FILIP1L: variants seen among roughly 807,000 people sequenced by gnomAD.
FILIP1L encodes the protein filamin A interacting protein 1 like.
In FILIP1L, 55 loss-of-function variants were observed where a neutral mutation model predicts 96.6. The observed-to-expected ratio is 0.57, with a 90% CI of 0.46 to 0.71. The LOEUF (loss-of-function observed/expected upper bound fraction) is 0.71. Among genes scored for constraint, FILIP1L ranks in the 30% least tolerant of loss-of-function variants. The pLI, the probability that FILIP1L is intolerant of heterozygous loss-of-function variation, is 0.00. For synonymous variants in FILIP1L, 467 were observed against 473.9 expected, an observed-to-expected ratio of 0.99 and a Z score of 0.19; for missense variants, 1,304 against 1,321.2, an observed-to-expected ratio of 0.99 and a Z score of 0.20.
intron 4 of FILIP1L, among the ~76,000 whole-genome samples, chr3:99,915,152 AATGGGCTTGTCTTAT>A (rs1706912230): frequency 6.6e-6 from 1 of 152,058 alleles, no homozygotes; most frequent in Admixed American, 6.5e-5. Flanking sequence ...TCCTCATCAA[AATGGGCTTGTCTTAT>A]ATCCCATTCT....
chr3:100,018,308 A>G (rs974671262), intron 1 of FILIP1L, among the ~76,000 whole-genome samples: 1 of 152,200 alleles, frequency 6.6e-6, no homozygotes, highest in East Asian at 1.9e-4. Flanking sequence ...CCTAGGCGAC[A>G]AGAGCAAAAC....
chr3:99,901,587 C>T (rs151248113), intron 4 of FILIP1L, among the ~76,000 whole-genome samples: 90 of 152,280 alleles, frequency 5.9e-4, no homozygotes, highest in Admixed American at 1.9e-3. Flanking sequence ...TTTGTGCTGA[C>T]AATAATATTA....
intron 1 of FILIP1L, among the ~76,000 whole-genome samples, chr3:100,020,917 G>A (rs1409357202): frequency 7.2e-5 from 11 of 152,068 alleles, no homozygotes; most frequent in African/African-American, 1.9e-4. Context: ...ACAGGCATGC[G>A]CCATCATGCC....
At chr3:99,890,342 AT>A (rs1421280425) in intron 4 of FILIP1L, among the ~76,000 whole-genome samples, 2 of 151,702 alleles carry the variant, frequency 1.3e-5, no homozygotes, top group Non-Finnish European at 2.9e-5. Context: ...GATTTCTTTT[AT>A]TTTGTCCTTA....
chr3:100,083,385 C>T (rs1337054135), intron 1 of FILIP1L, among the ~76,000 whole-genome samples: 1 of 152,226 alleles, frequency 6.6e-6, no homozygotes, highest in Non-Finnish European at 1.5e-5. Flanking sequence ...ACTTGCAAGA[C>T]ATGAAACTTC....
chr3:99,910,052 G>A lies in FILIP1L; in HGVS notation c.605+14178C>T, dbSNP rs188101012. 1.6e-3 allele frequency among the ~76,000 whole-genome samples: 214 copies of A among 135,872 alleles called. 21 individuals carry two copies. The highest frequency in any genetic ancestry group is 5.0e-3 in the African/African-American group (200 of 39,948). The allele number at this position is 135,872 out of a possible 152,430, so 89.1% of individuals were successfully genotyped here. On this transcript the variant is annotated intron_variant, in intron 4 of 5. Transcript: ENST00000477258. Reference sequence around the variant, plus strand: ...CTTAACAGTGAAGGGCTTCAGTGTGGGGTCAGCTCACCCTCATTGCACTTT... The same window carrying A: ...CTTAACAGTGAAGGGCTTCAGTGTGAGGTCAGCTCACCCTCATTGCACTTT...
intron 1 of FILIP1L, among the ~76,000 whole-genome samples, chr3:100,084,895 T>C (rs1213076328): frequency 6.6e-6 from 1 of 152,236 alleles, no homozygotes; most frequent in Non-Finnish European, 1.5e-5. Context: ...GTTAGGGAAT[T>C]ATAAATGAAG....
At chr3:99,922,407 A>G (rs950908348) in intron 4 of FILIP1L, among the ~76,000 whole-genome samples, 2 of 152,196 alleles carry the variant, frequency 1.3e-5, no homozygotes, top group Non-Finnish European at 2.9e-5. Flanking sequence ...AGAGTTCATG[A>G]GGAGCAAGTT....
chr3:99,898,075 A>G (rs1176453241), intron 4 of FILIP1L: 1 of 152,158 alleles, frequency 6.6e-6, no homozygotes, highest in Admixed American at 6.5e-5. Flanking sequence ...ATTTTTAAAT[A>G]GGCTTATCTA....
intron 1 of FILIP1L, among the ~76,000 whole-genome samples, chr3:100,032,522 C>T (rs2065037615): frequency 1.3e-5 from 2 of 152,142 alleles, no homozygotes; most frequent in East Asian, 1.9e-4. Flanking sequence ...GACAGCTAGC[C>T]GAATTCCCCT....
chr3:100,009,756 T>G (rs1710090641), intron 1 of FILIP1L, among the ~76,000 whole-genome samples: 1 of 152,258 alleles, frequency 6.6e-6, no homozygotes, highest in Non-Finnish European at 1.5e-5. Context: ...AGTCTGCAGC[T>G]TTGATTGTCT....
At chr3:99,933,927 T>C (rs1383370510) in intron 1 of FILIP1L, among the ~76,000 whole-genome samples, 1 of 152,204 alleles carries the variant, frequency 6.6e-6, no homozygotes. Context: ...TAAATAACAA[T>C]GGCTCAGAAT....
At chr3:100,021,445 G>A (rs2064815483) in intron 1 of FILIP1L, among the ~76,000 whole-genome samples, 2 of 152,096 alleles carry the variant, frequency 1.3e-5, no homozygotes, top group African/African-American at 4.8e-5. Context: ...GGGAGAGGAG[G>A]AACCCTTCCC....
chr3:99,878,325 C>T (rs778070316), intron 4 of FILIP1L, among the ~76,000 whole-genome samples: 9 of 152,208 alleles, frequency 5.9e-5, no homozygotes, highest in Non-Finnish European at 1.2e-4. Flanking sequence ...CTTCACAACA[C>T]ATTTTGATGT....
Position 99,847,436 on chromosome 3 carries a change from T to C in FILIP1L, c.3381+859A>G, listed in dbSNP as rs1172156886. Among the ~76,000 whole-genome samples, 6 of 152,114 alleles carry C rather than the reference T, an allele frequency of 3.9e-5. No homozygotes were observed. The East Asian group carries it at 1.2e-3, about 29-fold the overall frequency. ...TTTGGTTGTAGACATACATGTTCTA[T>C]GGGAGGTTTGATCTCTGGTAGAAAT... On this transcript the variant is annotated intron_variant, in intron 5 of 5. Transcript: ENST00000477258.
intron 4 of FILIP1L, among the ~76,000 whole-genome samples, chr3:99,893,112 C>G (rs1383042221): frequency 6.8e-6 from 1 of 147,200 alleles, no homozygotes; most frequent in Non-Finnish European, 1.5e-5. Flanking sequence ...TAGAAGACAC[C>G]TTTCTGCTTT....
intron 1 of FILIP1L, among the ~76,000 whole-genome samples, chr3:99,994,630 A>G (rs1482349425): frequency 6.6e-6 from 1 of 152,200 alleles, no homozygotes; most frequent in African/African-American, 2.4e-5. Flanking sequence ...GTTCCTGAAC[A>G]ATCACTGGGT....
intron 1 of FILIP1L, among the ~76,000 whole-genome samples, chr3:99,982,569 C>T (rs751937944): frequency 1.3e-5 from 2 of 152,098 alleles, no homozygotes; most frequent in Non-Finnish European, 2.9e-5. Flanking sequence ...GTCTTTCACC[C>T]CTGGGCTCAA....
chr3:100,104,040 A>T (rs2066353652), intron 1 of FILIP1L, among the ~76,000 whole-genome samples: 1 of 152,154 alleles, frequency 6.6e-6, no homozygotes, highest in South Asian at 2.1e-4. Flanking sequence ...ATGTCACCAA[A>T]TTGGGGCTTC....
Sources: allele counts gnomAD v4.1 joint callset (sites outside exome capture counted in the v4.1 genomes callset), GRCh38; gene constraint gnomAD v4.1.1; transcripts MANE v1.5; gene names NCBI Gene and HGNC (gene_info 2026-07-23, HGNC 2026-07-21).